USP10: variants seen among roughly 807,000 people sequenced by gnomAD.
USP10 encodes ubiquitin carboxyl-terminal hydrolase 10.
Under a neutral mutation model 84.5 loss-of-function variants are expected in USP10, and 22 were observed. That is an observed-to-expected ratio of 0.26 (90% CI 0.19 to 0.37). The LOEUF (loss-of-function observed/expected upper bound fraction) is 0.37. Ranked by LOEUF, USP10 falls within the 10% of genes least tolerant of loss-of-function variation. The probability of loss-of-function intolerance (pLI) is 1.00; values close to 1 mark genes in which losing one functional copy is unlikely to be tolerated. For synonymous variants in USP10, 454 were observed against 387.6 expected, an observed-to-expected ratio of 1.17 and a Z score of -2.01; for missense variants, 1,019 against 998.9, an observed-to-expected ratio of 1.02 and a Z score of -0.27.
chr16:84,722,819 G>T (rs771999861), intron 1 of USP10, among the ~76,000 whole-genome samples: 2 of 152,170 alleles, frequency 1.3e-5, no homozygotes, highest in Non-Finnish European at 2.9e-5. Context: ...GCCTCCCAAA[G>T]TGCTGGGATT....
At chr16:84,772,430 G>C (rs1914551874) in intron 11 of USP10, 111 bp from the exon 12 acceptor site, 1 of 1,472,322 alleles carries the variant, frequency 6.8e-7, no homozygotes. Flanking sequence ...TCCTGCCACA[G>C]GACTCTTGGG....
chr16:84,745,043 A>T lies in USP10; in HGVS notation c.562A>T (p.Ser188Cys). The T allele has an allele frequency of 1.9e-6, 3 of 1,613,750 alleles. No homozygotes were observed. The highest frequency in any genetic ancestry group is 2.5e-6 in the Non-Finnish European group (3 of 1,179,662). Residue 188 changes from serine (S) to cysteine (C), a missense_variant, in exon 4 of 14, where the codon AGT (serine) becomes TGT (cysteine). Coordinates refer to ENST00000219473, the MANE Select transcript of USP10 (RefSeq NM_005153.3). ...NGHANSAVPNSVSAEDAEFMG... is the reference protein window; with the variant it reads ...NGHANSAVPNCVSAEDAEFMG... Reference sequence around the variant, plus strand: ...CCATGCCAATTCAGCAGTCCCGAACAGTGTCAGTGCAGAGGATGCAGAATT... The same window carrying T: ...CCATGCCAATTCAGCAGTCCCGAACTGTGTCAGTGCAGAGGATGCAGAATT...
At chr16:84,704,056 G>A (rs1360045036) in intron 1 of USP10, among the ~76,000 whole-genome samples, 1 of 152,236 alleles carries the variant, frequency 6.6e-6, no homozygotes, top group Non-Finnish European at 1.5e-5. Context: ...CCAAGCCTAA[G>A]CGGCACGTTG....
At chr16:84,758,996 A>G (rs758435806) in intron 5 of USP10, among the ~76,000 whole-genome samples, 189 bp downstream of exon 5, 10 of 152,178 alleles carry the variant, frequency 6.6e-5, no homozygotes, top group Non-Finnish European at 1.2e-4. Flanking sequence ...ATCTCCCTCT[A>G]AAAGAGAGGA....
intron 4 of USP10, among the ~76,000 whole-genome samples, chr16:84,750,564 C>T (rs1361161397): frequency 3.3e-5 from 5 of 152,158 alleles, no homozygotes; most frequent in South Asian, 2.1e-4. Context: ...GAACATGTGA[C>T]GTTTGAAATT....
chr16:84,757,300 A>T (rs1272932983), intron 4 of USP10, among the ~76,000 whole-genome samples: 1 of 151,962 alleles, frequency 6.6e-6, no homozygotes, highest in East Asian at 1.9e-4. Context: ...GTAATATTTT[A>T]CTTTCTACAG....
intron 1 of USP10, chr16:84,708,951 G>C (rs1194855432): frequency 6.6e-6 from 1 of 152,272 alleles, no homozygotes; most frequent in Non-Finnish European, 1.5e-5. Flanking sequence ...TAGTGAGGGA[G>C]AGAAGCAGGC....
At chr16:84,762,854 T>A (rs1166672653) in intron 8 of USP10, 135 bp from the exon 9 acceptor site, 8 of 536,672 alleles carry the variant, frequency 1.5e-5, no homozygotes, top group Non-Finnish European at 2.7e-5. Flanking sequence ...ACCCATGTCA[T>A]CATGTCATTG....
chr16:84,773,038 GT>G (rs1324797092), intron 12 of USP10, among the ~76,000 whole-genome samples: 1 of 152,148 alleles, frequency 6.6e-6, no homozygotes, highest in Non-Finnish European at 1.5e-5. Flanking sequence ...CAGTTAAGTG[GT>G]TTTTAGTGAA....
At chr16:84,736,871 C>G (rs957000382) in intron 2 of USP10, among the ~76,000 whole-genome samples, 1 of 152,220 alleles carries the variant, frequency 6.6e-6, no homozygotes, top group Non-Finnish European at 1.5e-5. Context: ...TCACTGCAAG[C>G]TCCGCCTCCC....
Position 84,772,589 on chromosome 16 carries a change from G to A in USP10, c.2047G>A (p.Val683Met), listed in dbSNP as rs777702028. The A allele has an allele frequency of 2.5e-6, 4 of 1,613,822 alleles. No homozygotes were observed. The African/African-American group carries it at 4.0e-5, about 16-fold the overall frequency. Residue 683 changes from valine to methionine, a missense_variant, in exon 12 of 14, where the codon GTG (valine) becomes ATG (methionine). Physicochemically the swap from Val to Met is conservative, Grantham distance 21. This residue lies in a region of USP10 where 232 missense variants were observed against 290.1 expected (regional missense o/e 0.80). Transcript: ENST00000219473. ...TCTGGAAAAACTCCCTCCTGTCCTCGTGCTGCACCTGAAACGATTCGTTTA... is the reference window on the plus strand; with the variant it reads ...TCTGGAAAAACTCCCTCCTGTCCTCATGCTGCACCTGAAACGATTCGTTTA... ...VTLEKLPPVL[V>M]LHLKRFVYEK...
At chr16:84,759,669 T>C (rs1057024941) in intron 6 of USP10, among the ~76,000 whole-genome samples, 197 bp downstream of exon 6, 11 of 152,200 alleles carry the variant, frequency 7.2e-5, no homozygotes, top group Non-Finnish European at 1.3e-4. Context: ...TCTGTGTTCT[T>C]TAGATTCAGT....
intron 1 of USP10, among the ~76,000 whole-genome samples, chr16:84,717,547 C>T (rs1907203978): frequency 6.6e-6 from 1 of 152,072 alleles, no homozygotes; most frequent in Non-Finnish European, 1.5e-5. Context: ...TGGTGACAAG[C>T]TGTTTGGTGA....
chr16:84,757,397 GTGGGGGTGTGTGTGT>G (rs1567636393), intron 4 of USP10, among the ~76,000 whole-genome samples: 2 of 78,566 alleles, frequency 2.5e-5, no homozygotes, highest in East Asian at 5.9e-4. Flanking sequence ...AATGAGAGGG[GTGGGGGTGTGTGTGT>G]GTGTGTGTGT....
chr16:84,778,884 C>A lies in USP10; in HGVS notation c.2210-11C>A. 6.2e-7 allele frequency: 1 copy of A among 1,610,356 alleles called. No homozygotes were observed. Among genetic ancestry groups the A allele is most frequent in the Non-Finnish European group, 8.5e-7 (1 of 1,177,774 alleles). ...TGTTCTCACTCTGCTGCCTGCTGGG[C>A]TCTCTTCCAGTGGTCTACCATCACG... On this transcript the variant is annotated splice_polypyrimidine_tract_variant and intron_variant, in intron 13 of 13. Transcript: ENST00000219473.
intron 6 of USP10, 117 bp from the exon 7 acceptor site, chr16:84,759,774 G>T (rs1248113943): frequency 6.5e-6 from 7 of 1,081,314 alleles, no homozygotes; most frequent in Non-Finnish European, 9.7e-6. Flanking sequence ...TACAGCATTG[G>T]TTACCTAAAA....
At chr16:84,722,790 A>G (rs1907977838) in intron 1 of USP10, among the ~76,000 whole-genome samples, 2 of 152,072 alleles carry the variant, frequency 1.3e-5, no homozygotes, top group South Asian at 4.1e-4. Context: ...CCCTAACCTC[A>G]AGTGATTTGT....
chr16:84,768,086 G>C, intron 10 of USP10, 107 bp from the exon 11 acceptor site: 2 of 1,253,648 alleles, frequency 1.6e-6, no homozygotes, highest in Non-Finnish European at 2.2e-6. Flanking sequence ...TCTTTTGAAA[G>C]TGATATTGAA....
chr16:84,744,176 A>C (rs1364759124), intron 3 of USP10, among the ~76,000 whole-genome samples: 1 of 152,052 alleles, frequency 6.6e-6, no homozygotes, highest in Non-Finnish European at 1.5e-5. Context: ...TTTGGAATTA[A>C]TCAAATCACG....
Sources: gnomAD v4.1 joint callset for allele counts (sites outside exome capture counted in the v4.1 genomes callset) on GRCh38, gnomAD v4.1.1 for gene constraint, gnomAD v4.1.1 regional missense constraint, MANE v1.5 for transcripts, NCBI Gene and HGNC (gene_info 2026-07-23, HGNC 2026-07-21) for gene names.